The following ETS2 variants were observed in gnomAD, a reference collection of about 807,000 sequenced individuals.
ETS2 encodes the protein protein C-ets-2.
A neutral mutation model predicts 54.9 loss-of-function variants in ETS2; 19 were observed. The observed-to-expected ratio is 0.35, with a 90% confidence interval of 0.24 to 0.51. The LOEUF is 0.51. ETS2 is among the 20% of genes least tolerant of loss of function. The pLI, the probability that ETS2 is intolerant of heterozygous loss-of-function variation, is 0.97. For missense variants in ETS2, 417 were observed against 593.0 expected (o/e 0.70, Z 3.08); for synonymous variants, 219 against 229.3 (o/e 0.95, Z 0.41).
chr21:38,820,051 T>C (rs2060951723), intron 8 of ETS2, among the ~76,000 whole-genome samples: 1 of 152,216 alleles, frequency 6.6e-6, no homozygotes, highest in African/African-American at 2.4e-5. Flanking sequence ...GGACATGGCC[T>C]GTGCAGTCTT....
chr21:38,813,181 T>C, intron 3 of ETS2, 67 bp downstream of exon 3: 1 of 970,162 alleles, frequency 1.0e-6, no homozygotes, highest in Non-Finnish European at 1.7e-6. Context: ...AATAAAGAGA[T>C]GACAGTTCCT....
Position 38,806,703 on chromosome 21 carries a change from G to GGACC in ETS2, c.-1+584_-1+587dup. The GGACC allele has an allele frequency of 3.0e-6, 3 of 985,508 alleles. No homozygotes were observed. Among genetic ancestry groups the GGACC allele is most frequent in the Non-Finnish European group, 3.6e-6 (3 of 829,982 alleles). The allele number at this position is 985,508 out of a possible 1,614,324, so 61.0% of individuals were successfully genotyped here. A position where few individuals can be genotyped will look rare whatever the true frequency, so the allele number is the denominator to read the frequency against. Reference sequence around the variant, plus strand: ...TCGCCGCGTCCAGGGCCCGGGCTGGGGACCCCTCGGTCGTGCGAGGAGAGC... The same window carrying GGACC: ...TCGCCGCGTCCAGGGCCCGGGCTGGGGACCGACCCCTCGGTCGTGCGAGGAGAGC... On this transcript the variant is annotated intron_variant, in intron 1 of 9. Coordinates refer to ENST00000360938, the MANE Select transcript of ETS2 (RefSeq NM_005239.6). The surrounding 1 kb of genome is among the most constrained non-coding windows in gnomAD (Gnocchi z 4.3).
At position 38,819,171 on chromosome 21, in the gene ETS2, T is replaced by G. The variant is rs1045129906; in HGVS notation, c.812-332T>G. Among the ~76,000 whole-genome samples the G allele has an allele frequency of 2.6e-5, 4 of 152,378 alleles. No homozygotes were observed. In the South Asian group the frequency reaches 8.3e-4, roughly 32 times the overall value. On this transcript the variant is annotated intron_variant, in intron 7 of 9. Coordinates refer to ENST00000360938, the MANE Select transcript of ETS2 (RefSeq NM_005239.6). Reference sequence around the variant, plus strand: ...CTTGAACTTTACATAGATGGAATCATAAGGCATGTTTTCTTTTGTGTTTGT... The same window carrying G: ...CTTGAACTTTACATAGATGGAATCAGAAGGCATGTTTTCTTTTGTGTTTGT...
At chr21:38,815,330 T>C (rs1349210252) in intron 5 of ETS2, among the ~76,000 whole-genome samples, 1 of 152,132 alleles carries the variant, frequency 6.6e-6, no homozygotes, top group Non-Finnish European at 1.5e-5. Flanking sequence ...CCACGTCTTC[T>C]GAGCTCACCT....
At position 38,818,502 on chromosome 21, in the gene ETS2, C is replaced by T. The variant is rs771905336; in HGVS notation, c.667C>T (p.Pro223Ser). ...AGGCGGCCTCCTGGACAGCATGTGT[C>T]CGGCCTCCACACCCAGCGTACTCAG... Reference protein sequence around the residue: ...PKGGLLDSMCPASTPSVLSSE... With the variant: ...PKGGLLDSMCSASTPSVLSSE... The change falls in exon 7 of 10, where the codon CCG (proline) becomes TCG (serine). Residue 223 changes from proline (P) to serine (S), a missense_variant. Transcript: ENST00000360938. The T allele has an allele frequency of 6.8e-6, 11 of 1,614,136 alleles. No individual in the cohort carries two copies. The highest frequency in any genetic ancestry group is 9.3e-6 in the Non-Finnish European group (11 of 1,180,026).
At position 38,814,759 on chromosome 21, in the gene ETS2, A is replaced by C. The variant is rs1569023255; in HGVS notation, c.305-22A>C. 6.2e-7 allele frequency: 1 copy of C among 1,610,450 alleles called. No homozygotes were observed. The highest frequency in any genetic ancestry group is 1.7e-5 in the Admixed American group (1 of 59,908). ...CCACTGTTTTTACCTCATGTGTTCC[A>C]TTTTTTCTTCTCTCCTGGTAGACCC... is the stretch of plus-strand genomic sequence containing the variant. On this transcript the variant is annotated intron_variant, in intron 4 of 9. Coordinates refer to ENST00000360938, the MANE Select transcript of ETS2 (RefSeq NM_005239.6). The surrounding 1 kb of genome is among the most constrained non-coding windows in gnomAD (Gnocchi z 4.2).
chr21:38,805,421 G>A, upstream of ETS2: 1 of 1,288,694 alleles, frequency 7.8e-7, no homozygotes, highest in Non-Finnish European at 1.0e-6. The surrounding 1 kb of genome is among the most constrained non-coding windows in gnomAD (Gnocchi z 5.2). Context: ...CCACTGCTCC[G>A]TCGCTGCGGA....
chr21:38,810,578 C>A (rs1432585077), intron 2 of ETS2, among the ~76,000 whole-genome samples: 4 of 152,192 alleles, frequency 2.6e-5, no homozygotes, highest in Admixed American at 6.5e-5. Flanking sequence ...AGAGAACAAG[C>A]AGGCCTACTT....
chr21:38,814,911 A>G lies in ETS2; in HGVS notation c.435A>G (p.Glu145=), dbSNP rs1173892495. ...NGQMLCNLGK[E]RFLELAPDFV... ...AGATGCTGTGTAACCTTGGCAAGGA[A>G]CGCTTTCTGGAGCTGGCACCTGACT... is the stretch of plus-strand genomic sequence containing the variant. Residue 145 remains glutamate (E), a synonymous_variant, in exon 5 of 10, where the codon GAA becomes GAG. Transcript: ENST00000360938. The surrounding 1 kb of genome is among the most constrained non-coding windows in gnomAD (Gnocchi z 4.2). 1 of 1,614,078 alleles carries G rather than the reference A, an allele frequency of 6.2e-7. No homozygotes were observed. Among genetic ancestry groups the G allele is most frequent in the African/African-American group, 1.3e-5 (1 of 74,924 alleles).
intron 6 of ETS2, 138 bp from the exon 7 acceptor site, chr21:38,818,287 C>CA: frequency 8.8e-7 from 1 of 1,136,198 alleles, no homozygotes; most frequent in Non-Finnish European, 1.3e-6. Context: ...GACAGACCCC[C>CA]ACCAAAGCCC....
chr21:38,809,271 A>C (rs2060905128), intron 1 of ETS2, among the ~76,000 whole-genome samples: 1 of 152,214 alleles, frequency 6.6e-6, no homozygotes. Flanking sequence ...GTAGCCACAC[A>C]TGGCAAGTGG....
rs116011345 is a variant in ETS2, at chr21:38,812,007, C to T, written c.73-996C>T. Among the ~76,000 whole-genome samples, 592 of 152,238 alleles carry T rather than the reference C, an allele frequency of 3.9e-3. 1 individual carries two copies. Among genetic ancestry groups the T allele is most frequent in the African/African-American group, 0.013 (557 of 41,532 alleles). ...CTGGGGTTACAGGCATAAGCCACCC[C>T]GCCTGGCCTGGGGGCGGGGAGGGGG... On this transcript the variant is annotated intron_variant, in intron 2 of 9. Transcript: ENST00000360938.
intron 1 of ETS2, among the ~76,000 whole-genome samples, chr21:38,808,040 G>T (rs1008860045): frequency 1.3e-5 from 2 of 152,204 alleles, no homozygotes; most frequent in African/African-American, 4.8e-5. Flanking sequence ...ATCAGGATGG[G>T]TGGGAAGGGT....
chr21:38,806,542 G>C lies in ETS2; in HGVS notation c.-1+422G>C. The C allele has an allele frequency of 1.0e-6, 1 of 985,500 alleles. No homozygotes were observed. Among genetic ancestry groups the C allele is most frequent in the Middle Eastern group, 5.2e-4 (1 of 1,914 alleles). The allele number at this position is 985,500 out of a possible 1,614,324, so 61.0% of individuals were successfully genotyped here. ...AGTGGGGGCACAGGAGAGCGTGTCC[G>C]AGGTGGCCTGGCGCCCCGGCTTTGA... On this transcript the variant is annotated intron_variant, in intron 1 of 9. Coordinates refer to ENST00000360938, the MANE Select transcript of ETS2 (RefSeq NM_005239.6). The surrounding 1 kb of genome is among the most constrained non-coding windows in gnomAD (Gnocchi z 4.3).
chr21:38,816,039 G>A (rs2123417455), intron 5 of ETS2, among the ~76,000 whole-genome samples: 1 of 134 alleles, frequency 7.5e-3, no homozygotes, highest in African/African-American at 0.036. Flanking sequence ...AGGAAGGAAA[G>A]AAAGAGGGAG....
intron 8 of ETS2, among the ~76,000 whole-genome samples, chr21:38,820,481 G>T (rs1253438302): frequency 6.6e-6 from 1 of 152,220 alleles, no homozygotes; most frequent in Non-Finnish European, 1.5e-5. Context: ...TACACGGAAA[G>T]AGTGTGTGAA....
At chr21:38,822,491 C>T (rs1252000030) in intron 9 of ETS2, among the ~76,000 whole-genome samples, 183 bp from the exon 10 acceptor site, 1 of 152,160 alleles carries the variant, frequency 6.6e-6, no homozygotes, top group African/African-American at 2.4e-5. Flanking sequence ...GGACACAGTG[C>T]CCCTACCATA....
In ETS2 at chr21:38,821,384, A is replaced by G. The variant is rs1371978644; in HGVS notation, c.1076-202A>G. Among the ~76,000 whole-genome samples, 2 of 152,110 alleles carry G rather than the reference A, an allele frequency of 1.3e-5. No individual in the cohort carries two copies. Among genetic ancestry groups the G allele is most frequent in the African/African-American group, 4.8e-5 (2 of 41,418 alleles). The stretch of plus-strand genomic sequence containing the variant: ...TAGGCAGTGTGGAGCAGGAACTCAC[A>G]TTTGGTGCCCCGCCCCATCCCGTTA... On this transcript the variant is annotated intron_variant, in intron 8 of 9. Coordinates refer to ENST00000360938, the MANE Select transcript of ETS2 (RefSeq NM_005239.6). This position sits in a 1 kb window ranked among gnomAD's most constrained non-coding sequence, Gnocchi z 4.2.
chr21:38,821,132 C>T lies in ETS2; in HGVS notation c.1076-454C>T, dbSNP rs139406249. 1.1e-3 allele frequency among the ~76,000 whole-genome samples: 174 copies of T among 152,308 alleles called. No individual in the cohort carries two copies. The highest frequency in any genetic ancestry group is 3.9e-3 in the African/African-American group (164 of 41,566). On this transcript the variant is annotated intron_variant, in intron 8 of 9. Transcript: ENST00000360938. The surrounding 1 kb of genome is among the most constrained non-coding windows in gnomAD (Gnocchi z 4.2). Reference sequence around the variant, plus strand: ...GGCAGGAAGGTGGCATGGGATCCCACGTATGACACGCCTCATTCTGTGATG... The same window carrying T: ...GGCAGGAAGGTGGCATGGGATCCCATGTATGACACGCCTCATTCTGTGATG...
Sources: gnomAD v4.1 joint callset for allele counts (sites outside exome capture counted in the v4.1 genomes callset) on GRCh38, gnomAD v4.1.1 for gene constraint, Gnocchi (gnomAD v3.1) non-coding constraint, MANE v1.5 for transcripts, NCBI Gene and HGNC (gene_info 2026-07-23, HGNC 2026-07-21) for gene names.